CLMN: variants seen among roughly 807,000 people sequenced by gnomAD.
The protein encoded by CLMN is calmin, also known as calmin (calponin-like, transmembrane).
Under a neutral mutation model 92.7 loss-of-function variants are expected in CLMN, and 57 were observed. The ratio of observed to expected loss-of-function variants is 0.61; its 90% CI spans 0.50 to 0.77. The LOEUF (loss-of-function observed/expected upper bound fraction) is 0.77. Among genes scored for constraint, CLMN ranks in the 30% least tolerant of loss-of-function variants. The probability of loss-of-function intolerance (pLI) is 0.00; values close to 1 mark genes in which losing one functional copy is unlikely to be tolerated. For missense variants in CLMN, 1,158 were observed against 1,237.5 expected (o/e 0.94, Z 0.96); for synonymous variants, 466 against 470.6 (o/e 0.99, Z 0.13).
At position 95,185,117 on chromosome 14, in the gene CLMN, A is replaced by T. The variant is rs1206803698; in HGVS notation, c.*6447T>A. 3 of 152,176 alleles carry T rather than the reference A, an allele frequency of 2.0e-5. No individual in the cohort carries two copies. Among genetic ancestry groups the T allele is most frequent in the Admixed American group, 2.0e-4 (3 of 15,280 alleles). The allele number at this position is 152,176 out of a possible 1,614,324, so 9.4% of individuals were successfully genotyped here. A position where few individuals can be genotyped will look rare whatever the true frequency, so the allele number is the denominator to read the frequency against. ...TAAGATGCTGTCTCTTAAAAAAAAA[A>T]TCAGAGTGAAGAGGGCAGGTGCTCA... is the stretch of plus-strand genomic sequence containing the variant. On this transcript the variant is annotated 3_prime_UTR_variant, in exon 13 of 13. Transcript: ENST00000298912.
rs1372793934 is a variant in CLMN, at chr14:95,259,244, A to G, written c.83-29111T>C. On this transcript the variant is annotated intron_variant, in intron 1 of 12. Transcript: ENST00000298912. This position sits in a 1 kb window ranked among gnomAD's most constrained non-coding sequence, Gnocchi z 4.3. ...CGGCCTCCTAGTGTCAGAGGTATAG[A>G]CAACCACTGCTCTTCCCCAATGTCA... Among the ~76,000 whole-genome samples, 2 of 152,120 alleles carry G rather than the reference A, an allele frequency of 1.3e-5. No homozygotes were observed. Among genetic ancestry groups the G allele is most frequent in the Middle Eastern group, 3.4e-3 (1 of 294 alleles).
At chr14:95,196,029 A>G (rs1397637403) in intron 10 of CLMN, among the ~76,000 whole-genome samples, 5 of 152,186 alleles carry the variant, frequency 3.3e-5, no homozygotes, top group Non-Finnish European at 7.3e-5. Flanking sequence ...AGAAGCCATA[A>G]TATTAATGAG....
intron 1 of CLMN, 79 bp downstream of exon 1, chr14:95,319,632 G>A (rs989827732): frequency 7.7e-6 from 9 of 1,167,554 alleles, no homozygotes; most frequent in Middle Eastern, 1.9e-4. Flanking sequence ...GGCGGCGCGG[G>A]GGAGTTGCCA....
intron 1 of CLMN, among the ~76,000 whole-genome samples, chr14:95,248,150 CAA>C (rs1898646299): frequency 6.6e-6 from 1 of 151,084 alleles, no homozygotes; most frequent in African/African-American, 2.4e-5. Flanking sequence ...AGAAACTTGT[CAA>C]GAGAGGCTTA....
intron 4 of CLMN, among the ~76,000 whole-genome samples, chr14:95,218,578 G>A (rs1188328058): frequency 6.6e-6 from 1 of 152,214 alleles, no homozygotes; most frequent in Non-Finnish European, 1.5e-5. Flanking sequence ...ACAGTGGGCT[G>A]AAATAATGGG....
chr14:95,205,962 C>T lies in CLMN; in HGVS notation c.886-1499G>A, dbSNP rs144418836. ...AATAACCAAGATGGTAGATGAAACCCGTATAAACGTATGAAAAATGTACTG... is the reference window on the plus strand; with the variant it reads ...AATAACCAAGATGGTAGATGAAACCTGTATAAACGTATGAAAAATGTACTG... On this transcript the variant is annotated intron_variant, in intron 8 of 12. Transcript: ENST00000298912. Among the ~76,000 whole-genome samples the T allele has an allele frequency of 3.7e-3, 559 of 152,040 alleles. 6 individuals are homozygous for T. The highest frequency in any genetic ancestry group is 0.012 in the African/African-American group (516 of 41,488).
intron 1 of CLMN, among the ~76,000 whole-genome samples, chr14:95,311,683 C>A (rs1158859382): frequency 6.6e-6 from 1 of 152,182 alleles, no homozygotes. Context: ...CACCATCCTG[C>A]ATGCCCCGAC....
At chr14:95,285,037 C>T (rs1309299362) in intron 1 of CLMN, among the ~76,000 whole-genome samples, 1 of 152,108 alleles carries the variant, frequency 6.6e-6, no homozygotes, top group Non-Finnish European at 1.5e-5. Context: ...GTAATTGAAT[C>T]ATGGGGGCCA....
intron 1 of CLMN, among the ~76,000 whole-genome samples, chr14:95,237,938 G>A (rs958503125): frequency 5.3e-5 from 8 of 152,258 alleles, no homozygotes; most frequent in African/African-American, 1.4e-4. Context: ...CATCAGCCAC[G>A]CAATCTCACT....
At chr14:95,249,030 G>A (rs1341040004) in intron 1 of CLMN, among the ~76,000 whole-genome samples, 10 of 152,136 alleles carry the variant, frequency 6.6e-5, no homozygotes, top group Non-Finnish European at 1.5e-4. Context: ...GGTATCTACA[G>A]TAGAACAAAA....
At chr14:95,309,190 C>A (rs1213304592) in intron 1 of CLMN, among the ~76,000 whole-genome samples, 1 of 152,200 alleles carries the variant, frequency 6.6e-6, no homozygotes, top group African/African-American at 2.4e-5. Context: ...CATGTCTAGC[C>A]TGGGACTTTC....
rs1458899001 is a variant in CLMN at position 95,259,381 on chromosome 14, C to G, written c.83-29248G>C. ...CCCACTCACCAGGCCTGACCTTGGGCACCAGAACGGAGAAGGAAATGTGCG... is the reference window on the plus strand; with the variant it reads ...CCCACTCACCAGGCCTGACCTTGGGGACCAGAACGGAGAAGGAAATGTGCG... On this transcript the variant is annotated intron_variant, in intron 1 of 12. Coordinates refer to ENST00000298912, the MANE Select transcript of CLMN (RefSeq NM_024734.4). This position sits in a 1 kb window ranked among gnomAD's most constrained non-coding sequence, Gnocchi z 4.3. 6.6e-6 allele frequency among the ~76,000 whole-genome samples: 1 copy of G among 152,074 alleles called. No individual in the cohort carries two copies. The highest frequency in any genetic ancestry group is 1.5e-5 in the Non-Finnish European group (1 of 67,982).
At chr14:95,198,673 T>C (rs1315590838) in intron 9 of CLMN, among the ~76,000 whole-genome samples, 2 of 152,108 alleles carry the variant, frequency 1.3e-5, no homozygotes, top group Non-Finnish European at 2.9e-5. Flanking sequence ...GTGAGATCCA[T>C]GTAAGATGGA....
intron 1 of CLMN, among the ~76,000 whole-genome samples, chr14:95,309,248 A>G (rs1211657681): frequency 1.3e-5 from 2 of 152,202 alleles, no homozygotes; most frequent in Non-Finnish European, 1.5e-5. Context: ...CTATAAACCC[A>G]TATTTTAATG....
At chr14:95,200,472 C>A (rs1019797080) in intron 9 of CLMN, among the ~76,000 whole-genome samples, 1 of 152,216 alleles carries the variant, frequency 6.6e-6, no homozygotes, top group Non-Finnish European at 1.5e-5. Context: ...CCCTTCTCCT[C>A]CCTGGCTGTC....
intron 9 of CLMN, among the ~76,000 whole-genome samples, chr14:95,202,098 G>A (rs554573364): frequency 1.1e-3 from 173 of 152,248 alleles, no homozygotes; most frequent in African/African-American, 3.5e-3. Context: ...CATATACCTC[G>A]TAATGGGATT....
At chr14:95,243,832 T>C (rs1898354357) in intron 1 of CLMN, among the ~76,000 whole-genome samples, 2 of 151,878 alleles carry the variant, frequency 1.3e-5, no homozygotes, top group African/African-American at 2.4e-5. Flanking sequence ...GCTTCTGATA[T>C]GGTTTGGATT....
chr14:95,202,648 C>T (rs1896916439), intron 9 of CLMN, among the ~76,000 whole-genome samples, 190 bp downstream of exon 9: 1 of 152,208 alleles, frequency 6.6e-6, no homozygotes, highest in African/African-American at 2.4e-5. Context: ...TCAGGAGGTG[C>T]TCACTCTCAG....
intron 1 of CLMN, among the ~76,000 whole-genome samples, chr14:95,233,547 C>T (rs1272385395): frequency 6.6e-6 from 1 of 152,152 alleles, no homozygotes; most frequent in African/African-American, 2.4e-5. Flanking sequence ...TGGGCAAAAC[C>T]AGAGATGAAG....
Sources: allele counts gnomAD v4.1 joint callset (sites outside exome capture counted in the v4.1 genomes callset), GRCh38; gene constraint gnomAD v4.1.1; non-coding constraint Gnocchi (gnomAD v3.1); transcripts MANE v1.5; gene names NCBI Gene and HGNC (gene_info 2026-07-23, HGNC 2026-07-21).